The following KCNJ18 variants were observed in gnomAD, a reference collection of about 807,000 sequenced individuals.
KCNJ18 encodes potassium inwardly rectifying channel subfamily J member 18.
In KCNJ18, 16 loss-of-function variants were observed where a neutral mutation model predicts 17.3. The observed-to-expected ratio is 0.92, with a 90% CI of 0.62 to 1.40. The LOEUF is 1.40. Among genes scored for constraint, KCNJ18 ranks in the 40% most tolerant of loss-of-function variants. The pLI, the probability that KCNJ18 is intolerant of heterozygous loss-of-function variation, is 0.00. For missense variants in KCNJ18, 462 were observed against 626.8 expected (o/e 0.74, Z 2.81); for synonymous variants, 185 against 262.6 (o/e 0.70, Z 2.86).
chr17:21,701,597 G>A (rs1354240562), intron 2 of KCNJ18, among the ~76,000 whole-genome samples: 2 of 152,196 alleles, frequency 1.3e-5, no homozygotes, highest in African/African-American at 4.8e-5. Flanking sequence ...GTGGCAGGCC[G>A]CATTCTAGGC....
At position 21,703,142 on chromosome 17, in the gene KCNJ18, G is replaced by A. The variant is rs1335818118; in HGVS notation, c.356G>A (p.Gly119Asp). 4 of 1,610,946 alleles carry A rather than the reference G, an allele frequency of 2.5e-6. No homozygotes were observed. The South Asian group carries it at 3.3e-5, about 13-fold the overall frequency. Residue 119 changes from glycine to aspartate, a missense_variant, in exon 3 of 3, where the codon GGC becomes GAC. Physicochemically the swap from Gly to Asp is moderately conservative, Grantham distance 94 (BLOSUM62 -1). Transcript: ENST00000567955. Reference protein sequence around the residue: ...HGDLEPAEGHGRTPCVMQVHG... With the variant: ...HGDLEPAEGHDRTPCVMQVHG... ...GACCTGGAGCCGGCTGAGGGCCACG[G>A]CCGCACACCCTGTGTGATGCAGGTG... is the stretch of plus-strand genomic sequence containing the variant.
intron 2 of KCNJ18, among the ~76,000 whole-genome samples, chr17:21,698,594 G>A (rs1467779416): frequency 6.6e-6 from 1 of 152,090 alleles, no homozygotes; most frequent in Non-Finnish European, 1.5e-5. Context: ...GCCTTGCCCT[G>A]GGCTCCTCCC....
chr17:21,703,782 C>G lies in KCNJ18; in HGVS notation c.996C>G (p.Phe332Leu). Reference sequence around the variant, plus strand: ...GTCACCGCTTTGAGCCCGTGCTCTTCGAGGAGAAGAACCAGTACAAGATTG... The same window carrying G: ...GTCACCGCTTTGAGCCCGTGCTCTTGGAGGAGAAGAACCAGTACAAGATTG... The part of the protein sequence containing the change: ...LWGHRFEPVL[F>L]EEKNQYKIDY... The change falls in exon 3 of 3, where the codon TTC becomes TTG. Residue 332 changes from phenylalanine to leucine, a missense_variant. Phe to Leu is a conservative substitution (Grantham distance 22). Transcript: ENST00000567955. The G allele has an allele frequency of 6.6e-7, 1 of 1,518,736 alleles. No homozygotes were observed. Among genetic ancestry groups the G allele is most frequent in the African/African-American group, 1.9e-5 (1 of 52,840 alleles). 94.1% of individuals were successfully genotyped at this position (1,518,736 alleles called of 1,614,324 possible).
Position 21,703,500 on chromosome 17 carries a change from C to T in KCNJ18, c.714C>T (p.Thr238=), listed in dbSNP as rs1334211238. 107 of 1,605,572 alleles carry T rather than the reference C, an allele frequency of 6.7e-5. No individual in the cohort carries two copies. In the South Asian group the frequency reaches 8.4e-4, roughly 13 times the overall value. ...VRAQLIKPRV[T]EEGEYIPLDQ... ...CGCAGCTCATCAAGCCGCGGGTCAC[C>T]GAGGAGGGCGAGTACATCCCGCTGG... Residue 238 remains threonine, a synonymous_variant, in exon 3 of 3, where the codon ACC becomes ACT. Coordinates refer to ENST00000567955, the MANE Select transcript of KCNJ18 (RefSeq NM_001194958.2).
Position 21,702,771 on chromosome 17 carries a change from TC to T in KCNJ18, c.-11del. The T allele has an allele frequency of 1.3e-6, 2 of 1,570,080 alleles. No homozygotes were observed. Among genetic ancestry groups the T allele is most frequent in the Non-Finnish European group, 1.7e-6 (2 of 1,166,270 alleles). On this transcript the variant is annotated 5_prime_UTR_variant, in exon 3 of 3. Coordinates refer to ENST00000567955, the MANE Select transcript of KCNJ18 (RefSeq NM_001194958.2). ...GAGCTAGCCTGGGGGTGAGCCAGGG[TC>T]CCCCAACCCCCGGGATGACCGCGGC...
intron 2 of KCNJ18, among the ~76,000 whole-genome samples, chr17:21,697,365 G>T (rs1404669681): frequency 6.6e-6 from 1 of 152,310 alleles, no homozygotes; most frequent in Non-Finnish European, 1.5e-5. Context: ...GAGGGCCATG[G>T]GTTAGCTTGG....
intron 2 of KCNJ18, among the ~76,000 whole-genome samples, chr17:21,701,923 AAAAAGAAAAAAG>A (rs1479104781): frequency 1.3e-5 from 2 of 151,756 alleles, no homozygotes; most frequent in Non-Finnish European, 2.9e-5. Context: ...AAAAGAAAAA[AAAAAGAAAAAAG>A]AAAAGAAAAA....
chr17:21,695,798 T>C lies in KCNJ18; in HGVS notation c.-178-185T>C, dbSNP rs1269130530. On this transcript the variant is annotated intron_variant, in intron 1 of 2. Transcript: ENST00000567955. The stretch of plus-strand genomic sequence containing the variant: ...ATCTTGTTCTGCTCTTCTCTGGTTC[T>C]GGATGGTTGCTATGCTGTGAAGGTG... Among the ~76,000 whole-genome samples, 39 of 152,370 alleles carry C rather than the reference T, an allele frequency of 2.6e-4. No individual in the cohort carries two copies. The Middle Eastern group carries it at 0.01, about 40-fold the overall frequency.
At chr17:21,702,380 G>A (rs1227651382) in intron 2 of KCNJ18, among the ~76,000 whole-genome samples, 14 of 152,246 alleles carry the variant, frequency 9.2e-5, no homozygotes, top group African/African-American at 3.4e-4. Context: ...GGGGCCATCG[G>A]CAGAGGCAGA....
At chr17:21,700,201 A>G (rs1389822567) in intron 2 of KCNJ18, among the ~76,000 whole-genome samples, 1 of 150,612 alleles carries the variant, frequency 6.6e-6, no homozygotes, top group Non-Finnish European at 1.5e-5. Context: ...GGTCAGCCAC[A>G]GCGGTGTTGG....
rs1475357885 is a variant in KCNJ18 at position 21,703,119 on chromosome 17, C to T, written c.333C>T (p.Asp111=). 3.7e-6 allele frequency: 6 copies of T among 1,612,014 alleles called. No homozygotes were observed. Among genetic ancestry groups the T allele is most frequent in the East Asian group, 4.5e-5 (2 of 44,836 alleles). The part of the protein sequence containing the change: ...IFWVIAVAHG[D]LEPAEGHGRT... ...GGGTCATCGCGGTGGCACACGGTGA[C>T]CTGGAGCCGGCTGAGGGCCACGGCC... The change falls in exon 3 of 3, where the codon GAC becomes GAT. Residue 111 remains aspartate (D), a synonymous_variant. Transcript: ENST00000567955.
In KCNJ18 at chr17:21,704,383, C is replaced by G. The variant is rs1183689506; in HGVS notation, c.*295C>G. On this transcript the variant is annotated 3_prime_UTR_variant, in exon 3 of 3. Coordinates refer to ENST00000567955, the MANE Select transcript of KCNJ18 (RefSeq NM_001194958.2). Reference sequence around the variant, plus strand: ...TGCCTGAAGATGGAGCTGCAGCCTGCGGGGAAGCAGCCCAGCTCGATGGTG... The same window carrying G: ...TGCCTGAAGATGGAGCTGCAGCCTGGGGGGAAGCAGCCCAGCTCGATGGTG... The G allele has an allele frequency of 2.6e-6, 1 of 389,360 alleles. No individual in the cohort carries two copies. The highest frequency in any genetic ancestry group is 4.8e-6 in the Non-Finnish European group (1 of 209,830). 24.1% of individuals were successfully genotyped at this position (389,360 alleles called of 1,614,324 possible). A position where few individuals can be genotyped will look rare whatever the true frequency, so the allele number is the denominator to read the frequency against.
chr17:21,701,058 C>A (rs1178565958), intron 2 of KCNJ18, among the ~76,000 whole-genome samples: 1 of 151,708 alleles, frequency 6.6e-6, no homozygotes, highest in African/African-American at 2.4e-5. Context: ...CAGCCTAGCC[C>A]AGCCAAGGCA....
rs1405682764 is a variant in KCNJ18, at chr17:21,704,196, A to C, written c.*108A>C. The C allele has an allele frequency of 1.2e-3, 1,513 of 1,268,166 alleles. 16 individuals carry two copies. In the African/African-American group the frequency reaches 0.021, roughly 17 times the overall value. The allele number at this position is 1,268,166 out of a possible 1,614,324, so 78.6% of individuals were successfully genotyped here. On this transcript the variant is annotated 3_prime_UTR_variant, in exon 3 of 3. Transcript: ENST00000567955. The stretch of plus-strand genomic sequence containing the variant: ...ACGGGCCCAGTGCCCTGGGTTGCAG[A>C]CTCAGTAGCGTTTTAGTCGTTTTAT...
intron 2 of KCNJ18, among the ~76,000 whole-genome samples, chr17:21,702,071 T>A (rs1905975700): frequency 6.6e-6 from 1 of 152,242 alleles, no homozygotes; most frequent in African/African-American, 2.4e-5. Context: ...GCTGTGGATA[T>A]AGCAGGGATG....
intron 1 of KCNJ18, among the ~76,000 whole-genome samples, chr17:21,694,796 T>C (rs1226675900): frequency 4.0e-5 from 6 of 151,648 alleles, no homozygotes; most frequent in African/African-American, 1.2e-4. Flanking sequence ...CACCCATCCA[T>C]CACCCAACAT....
intron 2 of KCNJ18, among the ~76,000 whole-genome samples, chr17:21,701,675 C>A (rs1905957724): frequency 6.6e-6 from 1 of 152,238 alleles, no homozygotes; most frequent in Non-Finnish European, 1.5e-5. Context: ...CTTCAGGAGG[C>A]CGAGGCAGGT....
intron 2 of KCNJ18, among the ~76,000 whole-genome samples, chr17:21,698,856 G>T (rs1186881267): frequency 6.6e-6 from 1 of 152,254 alleles, no homozygotes; most frequent in Non-Finnish European, 1.5e-5. Flanking sequence ...GGTCTGCCGG[G>T]CCCGCGCTCT....
intron 2 of KCNJ18, among the ~76,000 whole-genome samples, chr17:21,700,844 A>G: frequency 9.1e-6 from 1 of 110,060 alleles, no homozygotes; most frequent in Non-Finnish European, 1.9e-5. Context: ...CCATCCCCCC[A>G]GGATGTTCTC....
Sources: allele counts gnomAD v4.1 joint callset (sites outside exome capture counted in the v4.1 genomes callset), GRCh38; gene constraint gnomAD v4.1.1; transcripts MANE v1.5; gene names NCBI Gene and HGNC (gene_info 2026-07-23, HGNC 2026-07-21).